STIM2: variants seen among roughly 807,000 people sequenced by gnomAD.
STIM2 encodes the protein stromal interaction molecule 2.
Under a neutral mutation model 85.8 loss-of-function variants are expected in STIM2, and 31 were observed. The ratio of observed to expected loss-of-function variants is 0.36; its 90% CI spans 0.27 to 0.49. STIM2 has a LOEUF of 0.49. Among genes scored for constraint, STIM2 ranks in the 20% least tolerant of loss-of-function variants. The pLI is 0.98. For missense variants in STIM2, 841 were observed against 927.6 expected (o/e 0.91, Z 1.21); for synonymous variants, 356 against 331.1 (o/e 1.08, Z -0.82).
intron 1 of STIM2, among the ~76,000 whole-genome samples, chr4:26,877,144 C>G (rs1392138122): frequency 1.3e-5 from 2 of 152,040 alleles, no homozygotes; most frequent in Non-Finnish European, 2.9e-5. Flanking sequence ...ATATGTTAGA[C>G]TGTTTGATAA....
chr4:26,961,014 C>CA (rs200795495), intron 3 of STIM2, among the ~76,000 whole-genome samples: 26,605 of 131,190 alleles, frequency 0.2, 2,526 homozygotes, highest in East Asian at 0.28. Context: ...CACTCCGTCT[C>CA]AAAAAAAAAA....
chr4:27,003,312 T>G (rs991853715), intron 7 of STIM2, among the ~76,000 whole-genome samples: 1 of 152,222 alleles, frequency 6.6e-6, no homozygotes, highest in African/African-American at 2.4e-5. Context: ...ACCATCATGT[T>G]CACTCATTCA....
chr4:26,931,137 A>G (rs1560210900), intron 2 of STIM2, among the ~76,000 whole-genome samples: 1 of 152,258 alleles, frequency 6.6e-6, no homozygotes, highest in East Asian at 1.9e-4. Flanking sequence ...ATAACATGAC[A>G]ATGGGGTTCC....
intron 1 of STIM2, among the ~76,000 whole-genome samples, chr4:26,901,251 G>GT (rs1723908639): frequency 6.6e-6 from 1 of 151,850 alleles, no homozygotes; most frequent in Non-Finnish European, 1.5e-5. Flanking sequence ...CACACTTGTA[G>GT]TTTTTTTTGG....
Position 27,020,967 on chromosome 4 carries a change from A to G in STIM2, c.1764-1552A>G, listed in dbSNP as rs1458172406. The G allele has an allele frequency of 1.6e-5, 25 of 1,529,188 alleles. No individual in the cohort carries two copies. The East Asian group carries it at 6.1e-4, about 38-fold the overall frequency. The allele number at this position is 1,529,188 out of a possible 1,614,324, so 94.7% of individuals were successfully genotyped here. Reference sequence around the variant, plus strand: ...ACTTTTTACCTTGACTCTCCCTTTCATTTCTCAATCATTTCCTTTCATGGA... The same window carrying G: ...ACTTTTTACCTTGACTCTCCCTTTCGTTTCTCAATCATTTCCTTTCATGGA... On this transcript the variant is annotated intron_variant, in intron 11 of 11. Coordinates refer to ENST00000467087, the MANE Select transcript of STIM2 (RefSeq NM_020860.4).
rs1728987526 is a variant in STIM2, at chr4:27,023,614, C to G, written c.*618C>G. ...TGACTTGATTTCTGGAAATGAAAAC[C>G]CGCGCTTTTATTATGGGAAGCTTCT... On this transcript the variant is annotated 3_prime_UTR_variant, in exon 12 of 12. Coordinates refer to ENST00000467087, the MANE Select transcript of STIM2 (RefSeq NM_020860.4). The G allele has an allele frequency of 6.6e-6, 1 of 152,132 alleles. No homozygotes were observed. The highest frequency in any genetic ancestry group is 1.5e-5 in the Non-Finnish European group (1 of 68,050). The allele number at this position is 152,132 out of a possible 1,614,324, so 9.4% of individuals were successfully genotyped here. A position where few individuals can be genotyped will look rare whatever the true frequency, so the allele number is the denominator to read the frequency against.
Position 26,970,803 on chromosome 4 carries a change from T to C in STIM2, c.397+13077T>C, listed in dbSNP as rs1726918896. On this transcript the variant is annotated intron_variant, in intron 3 of 11. Transcript: ENST00000467087. ...AAATGGTAATTCTAGTTCTAGATCCTTGAGGAATCACCACACTGTCTTCCA... is the reference window on the plus strand; with the variant it reads ...AAATGGTAATTCTAGTTCTAGATCCCTGAGGAATCACCACACTGTCTTCCA... Among the ~76,000 whole-genome samples, 3 of 152,192 alleles carry C rather than the reference T, an allele frequency of 2.0e-5. No homozygotes were observed. The East Asian group carries it at 5.8e-4, about 29-fold the overall frequency.
chr4:26,912,672 T>C (rs1190576186), intron 1 of STIM2, among the ~76,000 whole-genome samples: 1 of 152,240 alleles, frequency 6.6e-6, no homozygotes, highest in Non-Finnish European at 1.5e-5. Flanking sequence ...TTAATATATT[T>C]AGTTCTCACT....
intron 1 of STIM2, among the ~76,000 whole-genome samples, chr4:26,864,451 A>G (rs1722322187): frequency 6.6e-6 from 1 of 152,052 alleles, no homozygotes; most frequent in African/African-American, 2.4e-5. Context: ...GATCTCATCC[A>G]GATAGGGTCC....
At chr4:26,958,742 A>G (rs1242904225) in intron 3 of STIM2, among the ~76,000 whole-genome samples, 1 of 152,160 alleles carries the variant, frequency 6.6e-6, no homozygotes, top group Non-Finnish European at 1.5e-5. Context: ...ATGAGCTCGG[A>G]TAGGAATAGA....
rs748731448 is a variant in STIM2 at position 27,008,846 on chromosome 4, A to G, written c.1333A>G (p.Ile445Val). Residue 445 changes from isoleucine (I) to valine (V), a missense_variant, in exon 10 of 12, where the codon ATA (isoleucine) becomes GTA (valine). Ile to Val is a conservative substitution (Grantham distance 29, BLOSUM62 3). Around this residue, in one of 3 missense-constraint regions of STIM2, gnomAD observed 408 missense variants for 525.4 expected, o/e 0.78. Transcript: ENST00000467087. ...AATTGAGAAGATCTGTGGCTTTCAGATAGCCCATAACTCAGGACTCCCCAG... is the reference window on the plus strand; with the variant it reads ...AATTGAGAAGATCTGTGGCTTTCAGGTAGCCCATAACTCAGGACTCCCCAG... The G allele has an allele frequency of 8.7e-5, 141 of 1,614,028 alleles. No homozygotes were observed. The highest frequency in any genetic ancestry group is 1.1e-4 in the Non-Finnish European group (127 of 1,180,026).
intron 5 of STIM2, 89 bp downstream of exon 5, chr4:26,999,436 A>T: frequency 1.6e-6 from 1 of 641,830 alleles, no homozygotes; most frequent in East Asian, 3.6e-5. Context: ...ATAAGATAGT[A>T]GGCCTCTAAG....
At chr4:26,863,534 A>G (rs1201492694) in intron 1 of STIM2, among the ~76,000 whole-genome samples, 1 of 152,130 alleles carries the variant, frequency 6.6e-6, no homozygotes, top group African/African-American at 2.4e-5. Context: ...TCCCATTCTT[A>G]AGAGTGTATG....
chr4:26,876,573 A>G (rs1489743542), intron 1 of STIM2, among the ~76,000 whole-genome samples: 1 of 152,244 alleles, frequency 6.6e-6, no homozygotes, highest in African/African-American at 2.4e-5. Context: ...GAATTTTCAC[A>G]AAGTGGAATT....
intron 1 of STIM2, among the ~76,000 whole-genome samples, chr4:26,915,194 T>C (rs1328641673): frequency 1.3e-5 from 2 of 152,154 alleles, no homozygotes; most frequent in Non-Finnish European, 2.9e-5. Flanking sequence ...AGTATTGGTT[T>C]CTAGAATGTA....
intron 2 of STIM2, among the ~76,000 whole-genome samples, chr4:26,937,795 C>G (rs2109079404): frequency 6.6e-6 from 1 of 152,224 alleles, no homozygotes; most frequent in South Asian, 2.1e-4. Flanking sequence ...TTGTCTTGCT[C>G]CCTCACTAAG....
intron 5 of STIM2, 130 bp from the exon 6 acceptor site, chr4:27,002,087 A>G (rs1341783029): frequency 1.3e-6 from 1 of 745,010 alleles, no homozygotes; most frequent in African/African-American, 1.8e-5. Context: ...TTAAAAGGCT[A>G]GAGCTTGTGC....
chr4:26,946,647 G>A (rs73813250), intron 2 of STIM2, among the ~76,000 whole-genome samples: 1,713 of 152,288 alleles, frequency 0.011, 32 homozygotes, highest in African/African-American at 0.039. Flanking sequence ...CTGACTTTCC[G>A]ATGGCATATC....
rs1233247375 is a variant in STIM2 at position 26,886,448 on chromosome 4, G to A, written c.151+25079G>A. On this transcript the variant is annotated intron_variant, in intron 1 of 11. Transcript: ENST00000467087. Reference sequence around the variant, plus strand: ...TAAAATAGGTGAGAAGGTAGAGAATGTTAGGGAAAGTATATGTGTGTTTGC... The same window carrying A: ...TAAAATAGGTGAGAAGGTAGAGAATATTAGGGAAAGTATATGTGTGTTTGC... 4.6e-5 allele frequency among the ~76,000 whole-genome samples: 7 copies of A among 152,182 alleles called. No individual in the cohort carries two copies. The South Asian group carries it at 1.2e-3, about 27-fold the overall frequency.
Sources: gnomAD v4.1 joint callset for allele counts (sites outside exome capture counted in the v4.1 genomes callset) on GRCh38, gnomAD v4.1.1 for gene constraint, gnomAD v4.1.1 regional missense constraint, MANE v1.5 for transcripts, NCBI Gene and HGNC (gene_info 2026-07-23, HGNC 2026-07-21) for gene names.